Variants in MNAT1 observed in about 807,000 individuals in gnomAD.
MNAT1 encodes the protein MNAT1 component of CDK activating kinase.
In MNAT1, 43 loss-of-function variants were observed where a neutral mutation model predicts 42.0. The ratio of observed to expected loss-of-function variants is 1.02; its 90% CI spans 0.80 to 1.32. MNAT1 has a LOEUF of 1.32. Among genes scored for constraint, MNAT1 ranks in the 40% most tolerant of loss-of-function variants. The probability of loss-of-function intolerance (pLI) is 0.00; values close to 1 mark genes in which losing one functional copy is unlikely to be tolerated. For synonymous variants in MNAT1, 118 were observed against 120.0 expected, an observed-to-expected ratio of 0.98 and a Z score of 0.11; for missense variants, 306 against 350.4, an observed-to-expected ratio of 0.87 and a Z score of 1.01.
chr14:60,830,799 T>G (rs906175248), intron 6 of MNAT1, among the ~76,000 whole-genome samples: 9 of 140,780 alleles, frequency 6.4e-5, no homozygotes, highest in African/African-American at 2.4e-4. Context: ...TTCTTCTGCC[T>G]TTTTTTTTTT....
intron 6 of MNAT1, among the ~76,000 whole-genome samples, chr14:60,842,365 C>T (rs1214565896): frequency 2.0e-5 from 3 of 152,122 alleles, no homozygotes; most frequent in Admixed American, 6.6e-5. Flanking sequence ...GTCTGATTTT[C>T]GTCTCCTTGA....
At chr14:60,839,336 A>G (rs1000209582) in intron 6 of MNAT1, among the ~76,000 whole-genome samples, 4 of 152,194 alleles carry the variant, frequency 2.6e-5, no homozygotes, top group Non-Finnish European at 4.4e-5. Context: ...GAAAGGAGCT[A>G]TCCACTCTGC....
chr14:60,815,114 G>A (rs183955174), intron 5 of MNAT1, among the ~76,000 whole-genome samples: 10 of 152,024 alleles, frequency 6.6e-5, no homozygotes, highest in Admixed American at 5.9e-4. Flanking sequence ...AACTTTGATA[G>A]AAAATATGCT....
At chr14:60,820,266 T>A (rs2032842581) in intron 6 of MNAT1, among the ~76,000 whole-genome samples, 1 of 152,162 alleles carries the variant, frequency 6.6e-6, no homozygotes. Context: ...GCATGATGAG[T>A]ATGCAAGAAC....
intron 6 of MNAT1, among the ~76,000 whole-genome samples, chr14:60,872,164 G>A (rs894792037): frequency 6.6e-6 from 1 of 152,100 alleles, no homozygotes; most frequent in African/African-American, 2.4e-5. Flanking sequence ...GGCACAGGGG[G>A]AGCAGGCACA....
At chr14:60,744,977 C>T (rs1385057534) in intron 1 of MNAT1, among the ~76,000 whole-genome samples, 1 of 152,180 alleles carries the variant, frequency 6.6e-6, no homozygotes, top group Non-Finnish European at 1.5e-5. Context: ...TTTTGCCCTA[C>T]ACATGTGCAG....
At chr14:60,906,227 A>C (rs937228729) in intron 7 of MNAT1, among the ~76,000 whole-genome samples, 2 of 152,178 alleles carry the variant, frequency 1.3e-5, no homozygotes, top group African/African-American at 4.8e-5. Context: ...AGGTTCAGAG[A>C]GGTAGCAGGT....
chr14:60,928,794 C>CAT (rs376676267), intron 7 of MNAT1, among the ~76,000 whole-genome samples: 2,659 of 151,346 alleles, frequency 0.018, 44 homozygotes, highest in Non-Finnish European at 0.023. Flanking sequence ...AAGCACTTGC[C>CAT]ATATATATAT....
chr14:60,841,017 G>A (rs1235064846), intron 6 of MNAT1, among the ~76,000 whole-genome samples: 2 of 152,072 alleles, frequency 1.3e-5, no homozygotes, highest in African/African-American at 2.4e-5. Context: ...ATATTGTTTT[G>A]TGAACTTGAA....
intron 7 of MNAT1, among the ~76,000 whole-genome samples, chr14:60,936,386 C>A (rs945006034): frequency 4.8e-5 from 6 of 125,982 alleles, no homozygotes; most frequent in African/African-American, 1.2e-4. Flanking sequence ...CCCCTCCCCC[C>A]ACCCCACAAC....
chr14:60,764,234 T>C (rs2030721752), intron 1 of MNAT1, among the ~76,000 whole-genome samples: 1 of 152,230 alleles, frequency 6.6e-6, no homozygotes, highest in Non-Finnish European at 1.5e-5. Context: ...TACATGTTAT[T>C]TTCTGCAATA....
intron 6 of MNAT1, among the ~76,000 whole-genome samples, chr14:60,851,800 T>G (rs951933142): frequency 6.6e-6 from 1 of 152,112 alleles, no homozygotes; most frequent in African/African-American, 2.4e-5. Context: ...GAACATGCGG[T>G]GATTGGTTTT....
chr14:60,958,613 T>TTCC (rs1566579901), intron 7 of MNAT1, among the ~76,000 whole-genome samples: 3 of 21,374 alleles, frequency 1.4e-4, no homozygotes, highest in Non-Finnish European at 1.1e-3. Context: ...TTCTTTCTTT[T>TTCC]TCCTTCTTTC....
chr14:60,909,585 T>C lies in MNAT1; in HGVS notation c.809+29750T>C, dbSNP rs1357851414. Among the ~76,000 whole-genome samples the C allele has an allele frequency of 4.6e-5, 7 of 152,252 alleles. No individual in the cohort carries two copies. The East Asian group carries it at 5.8e-4, about 13-fold the overall frequency. On this transcript the variant is annotated intron_variant, in intron 7 of 7. Coordinates refer to ENST00000261245, the MANE Select transcript of MNAT1 (RefSeq NM_002431.4). ...GCACCATTTATTAAATAGGGAATCCTTTCCCCATTGCTTGTTTTTCTCAGG... is the reference window on the plus strand; with the variant it reads ...GCACCATTTATTAAATAGGGAATCCCTTCCCCATTGCTTGTTTTTCTCAGG...
chr14:60,951,902 AGTT>A (rs1454206724), intron 7 of MNAT1, among the ~76,000 whole-genome samples: 1 of 152,072 alleles, frequency 6.6e-6, no homozygotes, highest in Non-Finnish European at 1.5e-5. Flanking sequence ...AGTCTGAACC[AGTT>A]GTTATTCTTA....
intron 1 of MNAT1, among the ~76,000 whole-genome samples, chr14:60,735,509 A>G (rs4151156): frequency 0.013 from 1,990 of 152,328 alleles, 44 homozygotes; most frequent in African/African-American, 0.046. Context: ...AATGGCTGGC[A>G]TTTGAGTGCA....
chr14:60,737,567 G>C (rs962881142), intron 1 of MNAT1, among the ~76,000 whole-genome samples: 2 of 151,836 alleles, frequency 1.3e-5, no homozygotes, highest in African/African-American at 4.8e-5. Context: ...GTTTTTCCTT[G>C]GAGTAAGCAT....
chr14:60,872,716 A>G (rs1167483855), intron 6 of MNAT1, among the ~76,000 whole-genome samples: 1 of 151,876 alleles, frequency 6.6e-6, no homozygotes, highest in Non-Finnish European at 1.5e-5. Context: ...TCTATTTTAA[A>G]CATTTTATAA....
At chr14:60,840,767 G>A (rs933600721) in intron 6 of MNAT1, among the ~76,000 whole-genome samples, 3 of 152,030 alleles carry the variant, frequency 2.0e-5, no homozygotes, top group East Asian at 3.9e-4. Flanking sequence ...GGGTTCAAGC[G>A]ATTCTCCTGC....
Sources: gnomAD v4.1 joint callset for allele counts (sites outside exome capture counted in the v4.1 genomes callset) on GRCh38, gnomAD v4.1.1 for gene constraint, MANE v1.5 for transcripts, NCBI Gene and HGNC (gene_info 2026-07-23, HGNC 2026-07-21) for gene names.